TUSC3: variants seen among roughly 807,000 people sequenced by gnomAD.
The protein encoded by TUSC3 is dolichyl-diphosphooligosaccharide--protein glycosyltransferase subunit TUSC3.
Under a neutral mutation model 44.8 loss-of-function variants are expected in TUSC3, and 45 were observed. That is an observed-to-expected ratio of 1.00 (90% CI 0.79 to 1.29). The LOEUF (loss-of-function observed/expected upper bound fraction) is 1.29. Among genes scored for constraint, TUSC3 ranks in the 50% most tolerant of loss-of-function variants. The probability of loss-of-function intolerance (pLI) is 0.00; values close to 1 mark genes in which losing one functional copy is unlikely to be tolerated. For missense variants in TUSC3, 519 were observed against 437.9 expected (o/e 1.19, Z -1.65); for synonymous variants, 212 against 152.9 (o/e 1.39, Z -2.85).
intron 6 of TUSC3, among the ~76,000 whole-genome samples, chr8:15,691,815 G>A (rs565058952): frequency 1.8e-4 from 28 of 152,012 alleles, no homozygotes; most frequent in South Asian, 6.2e-4. Flanking sequence ...GTCTCGCTCT[G>A]TTGCCTAGGC....
intron 2 of TUSC3, among the ~76,000 whole-genome samples, chr8:15,485,911 C>A (rs979012372): frequency 4.6e-5 from 7 of 152,090 alleles, no homozygotes; most frequent in Non-Finnish European, 7.4e-5. Flanking sequence ...CTGCCTCAGC[C>A]TCCTGAGCAG....
intron 2 of TUSC3, among the ~76,000 whole-genome samples, chr8:15,496,121 C>G (rs1800877101): frequency 6.6e-6 from 1 of 152,160 alleles, no homozygotes; most frequent in Non-Finnish European, 1.5e-5. Context: ...ATTAGTGATG[C>G]TCATGCCCCT....
chr8:15,826,226 T>C, the TUSC3 span, among the ~76,000 whole-genome samples: 2 of 152,178 alleles, frequency 1.3e-5, no homozygotes, highest in South Asian at 2.1e-4. Context: ...TTGGCTGCAG[T>C]GGGAATTTTG....
intron 1 of TUSC3, among the ~76,000 whole-genome samples, chr8:15,444,228 C>T (rs1428692268): frequency 2.0e-5 from 3 of 152,174 alleles, no homozygotes; most frequent in East Asian, 1.9e-4. Context: ...AAAAGTAAGA[C>T]GAGCCTTCAT....
chr8:15,756,167 T>G (rs1055025816), intron 9 of TUSC3, among the ~76,000 whole-genome samples: 7 of 152,166 alleles, frequency 4.6e-5, no homozygotes, highest in African/African-American at 9.7e-5. Context: ...AGCTCTGCAT[T>G]TAGACAAATC....
At chr8:15,504,699 C>T (rs1308900412) in intron 2 of TUSC3, among the ~76,000 whole-genome samples, 2 of 136,914 alleles carry the variant, frequency 1.5e-5, no homozygotes, top group African/African-American at 5.4e-5. Flanking sequence ...TGTCCCCAGG[C>T]TGGAGTGCAG....
intron 1 of TUSC3, among the ~76,000 whole-genome samples, chr8:15,556,065 T>G (rs1430362010): frequency 6.6e-6 from 1 of 151,100 alleles, no homozygotes; most frequent in African/African-American, 2.4e-5. Context: ...TGCAGGTTAG[T>G]TACATATGTA....
intron 2 of TUSC3, among the ~76,000 whole-genome samples, chr8:15,513,567 A>C (rs1000659844): frequency 2.6e-5 from 4 of 152,332 alleles, no homozygotes; most frequent in African/African-American, 9.6e-5. Flanking sequence ...TTTAGACTCA[A>C]GAACGTAATT....
intron 1 of TUSC3, among the ~76,000 whole-genome samples, chr8:15,581,901 C>T (rs1423224531): frequency 7.0e-6 from 1 of 142,998 alleles, no homozygotes; most frequent in Non-Finnish European, 1.5e-5. Flanking sequence ...GGCGCCCCTC[C>T]CCCAGCCTCG....
At chr8:15,457,496 T>C (rs1366015815) in intron 1 of TUSC3, among the ~76,000 whole-genome samples, 1 of 151,388 alleles carries the variant, frequency 6.6e-6, no homozygotes, top group Non-Finnish European at 1.5e-5. Flanking sequence ...TACCAAGTTT[T>C]GGAAATAGTA....
At chr8:15,422,362 T>A (rs1183947332) in intron 1 of TUSC3, among the ~76,000 whole-genome samples, 1 of 152,172 alleles carries the variant, frequency 6.6e-6, no homozygotes, top group African/African-American at 2.4e-5. Context: ...TTTCTATCAC[T>A]TTATAACACG....
At chr8:15,518,034 C>G (rs753798198) in intron 2 of TUSC3, among the ~76,000 whole-genome samples, 124 of 152,054 alleles carry the variant, frequency 8.2e-4, no homozygotes, top group Non-Finnish European at 1.1e-3. Context: ...CCTCCTTACC[C>G]CTTTTGCCAG....
At chr8:15,784,083 G>A in the TUSC3 span, among the ~76,000 whole-genome samples, 1 of 152,004 alleles carries the variant, frequency 6.6e-6, no homozygotes, top group Non-Finnish European at 1.5e-5. Context: ...TAAAAGGCCA[G>A]ATATATGAAA....
chr8:15,791,290 A>AAC, the TUSC3 span, among the ~76,000 whole-genome samples: 80,725 of 150,728 alleles, frequency 0.54, 21,859 homozygotes, highest in Non-Finnish European at 0.58. Flanking sequence ...CCCACGCACA[A>AAC]ACACACACAC....
chr8:15,793,721 G>A, the TUSC3 span, among the ~76,000 whole-genome samples: 2 of 152,112 alleles, frequency 1.3e-5, no homozygotes, highest in South Asian at 4.1e-4. Context: ...AGCTTCTTTT[G>A]GGGTTTTATT....
chr8:15,545,249 T>C (rs1254219135), intron 1 of TUSC3, among the ~76,000 whole-genome samples: 2 of 151,620 alleles, frequency 1.3e-5, no homozygotes, highest in Non-Finnish European at 2.9e-5. Context: ...AGATAGTTTA[T>C]TACCCAGCAT....
At chr8:15,522,142 A>G (rs1585074721) in intron 2 of TUSC3, among the ~76,000 whole-genome samples, 1 of 152,190 alleles carries the variant, frequency 6.6e-6, no homozygotes, top group Middle Eastern at 3.4e-3. Context: ...TCAGGTCAAG[A>G]GTTTTTATAC....
At chr8:15,657,253 T>C (rs528657569) in intron 3 of TUSC3, among the ~76,000 whole-genome samples, 2 of 152,362 alleles carry the variant, frequency 1.3e-5, no homozygotes, top group East Asian at 3.9e-4. Context: ...TATGTTTTGC[T>C]TCCCTTTTAA....
At chr8:15,841,201 A>G in the TUSC3 span, among the ~76,000 whole-genome samples, 1 of 152,192 alleles carries the variant, frequency 6.6e-6, no homozygotes, top group South Asian at 2.1e-4. Context: ...ACATATATAC[A>G]TCAATCTGCT....
Sources: allele counts gnomAD v4.1 joint callset (sites outside exome capture counted in the v4.1 genomes callset), GRCh38; gene constraint gnomAD v4.1.1; transcripts MANE v1.5; gene names NCBI Gene and HGNC (gene_info 2026-07-23, HGNC 2026-07-21).